The following NCKIPSD variants were observed in gnomAD, a reference collection of about 807,000 sequenced individuals.
NCKIPSD encodes the protein NCK-interacting protein with SH3 domain.
A neutral mutation model predicts 73.4 loss-of-function variants in NCKIPSD; 48 were observed. The ratio of observed to expected loss-of-function variants is 0.65; its 90% CI spans 0.52 to 0.83. The LOEUF is 0.83. NCKIPSD is among the 40% of genes least tolerant of loss of function. The pLI, the probability that NCKIPSD is intolerant of heterozygous loss-of-function variation, is 0.00. For missense variants in NCKIPSD, 884 were observed against 970.2 expected (o/e 0.91, Z 1.18); for synonymous variants, 422 against 403.6 (o/e 1.05, Z -0.54).
At chr3:48,685,410 C>A (rs533277304) in intron 1 of NCKIPSD, among the ~76,000 whole-genome samples, 4 of 152,046 alleles carry the variant, frequency 2.6e-5, no homozygotes, top group Admixed American at 2.0e-4. Flanking sequence ...TTTGGTCGAT[C>A]GGGAGTTGGT....
Position 48,675,797 on chromosome 3 carries a change from C to T in NCKIPSD, c.1966-1050G>A, listed in dbSNP as rs145737874. Among the ~76,000 whole-genome samples, 12 of 152,054 alleles carry T rather than the reference C, an allele frequency of 7.9e-5. No homozygotes were observed. The South Asian group carries it at 1.0e-3, about 13-fold the overall frequency. ...CAGACTTCAAGTGATCCACCCACCT[C>T]GGCCTCCCAAAGTGCTGGGATTACA... On this transcript the variant is annotated intron_variant, in intron 12 of 12. Transcript: ENST00000294129.
rs1166762343 is a variant in NCKIPSD at position 48,674,203 on chromosome 3, A to G, written c.*341T>C. ...GCTGAGGCCCAGGATACAGACCAGG[A>G]GGGGTGGGGATGGGGGTCTGGTCCA... On this transcript the variant is annotated 3_prime_UTR_variant, in exon 13 of 13. Coordinates refer to ENST00000294129, the MANE Select transcript of NCKIPSD (RefSeq NM_016453.4). The G allele has an allele frequency of 1.5e-5, 19 of 1,227,446 alleles. No homozygotes were observed. Among genetic ancestry groups the G allele is most frequent in the Non-Finnish European group, 1.8e-5 (18 of 973,008 alleles). 76.0% of individuals were successfully genotyped at this position (1,227,446 alleles called of 1,614,324 possible).
chr3:48,683,344 G>C (rs1309516706), intron 1 of NCKIPSD, among the ~76,000 whole-genome samples: 1 of 152,198 alleles, frequency 6.6e-6, no homozygotes. Context: ...CTTGCAGCCA[G>C]GAGCGCATAC....
intron 2 of NCKIPSD, 147 bp from the exon 3 acceptor site, chr3:48,682,699 A>G: frequency 8.7e-7 from 1 of 1,152,516 alleles, no homozygotes. Context: ...ACAGTACCCC[A>G]TACTATCCTC....
rs2077298111 is a variant in NCKIPSD at position 48,678,785 on chromosome 3, A to G, written c.1793-49T>C. On this transcript the variant is annotated intron_variant, in intron 11 of 12. Transcript: ENST00000294129. ...TCAGGGTGGACCTTGTGGGGATCCC[A>G]GAGTCACCCCAGGGGGTTACGGGAG... The G allele has an allele frequency of 1.9e-6, 3 of 1,611,202 alleles. No individual in the cohort carries two copies. In the African/African-American group the frequency reaches 4.0e-5, roughly 22 times the overall value.
chr3:48,685,396 G>C (rs1170298612), intron 1 of NCKIPSD, among the ~76,000 whole-genome samples: 2 of 152,140 alleles, frequency 1.3e-5, no homozygotes, highest in Non-Finnish European at 2.9e-5. Flanking sequence ...CCCAGAGTTA[G>C]GCTTTTGGTC....
chr3:48,680,154 C>T lies in NCKIPSD; in HGVS notation c.1168G>A (p.Ala390Thr). ...QRLEVIFADL[A>T]RRKDDAQQRS... ...TGCTGGGCGTCGTCCTTCCGGCGAGCCAGGTCTGCAAAGATCACCTCCAGC... is the reference window on the plus strand; with the variant it reads ...TGCTGGGCGTCGTCCTTCCGGCGAGTCAGGTCTGCAAAGATCACCTCCAGC... Residue 390 changes from alanine to threonine, a missense_variant, in exon 6 of 13, where the codon GCT becomes ACT. Transcript: ENST00000294129. 5 of 1,613,982 alleles carry T rather than the reference C, an allele frequency of 3.1e-6. No homozygotes were observed. The highest frequency in any genetic ancestry group is 4.2e-6 in the Non-Finnish European group (5 of 1,179,998).
intron 12 of NCKIPSD, among the ~76,000 whole-genome samples, chr3:48,677,404 C>A (rs559715679): frequency 4.7e-4 from 71 of 151,748 alleles, no homozygotes; most frequent in South Asian, 8.4e-4. Flanking sequence ...ACAACAACAA[C>A]AAAAAACCCC....
chr3:48,685,655 G>A lies in NCKIPSD; in HGVS notation c.153C>T (p.Ala51=), dbSNP rs1469751938. The A allele has an allele frequency of 2.0e-6, 3 of 1,524,138 alleles. No individual in the cohort carries two copies. The highest frequency in any genetic ancestry group is 1.7e-4 in the Middle Eastern group (1 of 5,852). 94.4% of individuals were successfully genotyped at this position (1,524,138 alleles called of 1,614,324 possible). A position where few individuals can be genotyped will look rare whatever the true frequency, so the allele number is the denominator to read the frequency against. The part of the protein sequence containing the change: ...RSGETGYVPP[A]YLRRLQGLEQ... ...CACTCACCTGCAGGCGGCGCAGGTA[G>A]GCTGGCGGCACGTAGCCCGTCTCAC... The change falls in exon 1 of 13, where the codon GCC becomes GCT. Residue 51 remains alanine (A), a synonymous_variant. Coordinates refer to ENST00000294129, the MANE Select transcript of NCKIPSD (RefSeq NM_016453.4).
chr3:48,681,385 G>A lies in NCKIPSD; in HGVS notation c.994C>T (p.Arg332Trp), dbSNP rs745397166. The change falls in exon 5 of 13, where the codon CGG becomes TGG. Residue 332 changes from arginine to tryptophan, a missense_variant. Coordinates refer to ENST00000294129, the MANE Select transcript of NCKIPSD (RefSeq NM_016453.4). ...RNTGLSHELCRVAIGIIVGHI... is the reference protein window; with the variant it reads ...RNTGLSHELCWVAIGIIVGHI... ...CCCACTATGATGCCGATGGCCACCC[G>A]GCATAATTCGTGGCTCAGGCCAGTG... 7 of 1,612,216 alleles carry A rather than the reference G, an allele frequency of 4.3e-6. No homozygotes were observed. The highest frequency in any genetic ancestry group is 2.7e-5 in the African/African-American group (2 of 75,008).
Position 48,674,158 on chromosome 3 carries a change from T to G in NCKIPSD, c.*386A>C. 1 of 1,151,336 alleles carries G rather than the reference T, an allele frequency of 8.7e-7. No individual in the cohort carries two copies. Among genetic ancestry groups the G allele is most frequent in the Non-Finnish European group, 1.1e-6 (1 of 930,406 alleles). The allele number at this position is 1,151,336 out of a possible 1,614,324, so 71.3% of individuals were successfully genotyped here. On this transcript the variant is annotated 3_prime_UTR_variant, in exon 13 of 13. Transcript: ENST00000294129. ...TAGAGCTGGTGGGAGATGCCTCCCC[T>G]CACCCCAGGGGCATGGCTTGCTGAG...
intron 12 of NCKIPSD, among the ~76,000 whole-genome samples, chr3:48,676,408 A>T (rs1372563586): frequency 3.3e-5 from 5 of 151,608 alleles, no homozygotes; most frequent in Non-Finnish European, 5.9e-5. Flanking sequence ...CATCTCCAAC[A>T]CATCATCCAT....
In NCKIPSD at chr3:48,679,704, C is replaced by T. The variant is rs758299991; in HGVS notation, c.1360G>A (p.Ala454Thr). The T allele has an allele frequency of 6.2e-7, 1 of 1,614,164 alleles. No homozygotes were observed. Among genetic ancestry groups the T allele is most frequent in the Non-Finnish European group, 8.5e-7 (1 of 1,180,012 alleles). Residue 454 changes from alanine to threonine, a missense_variant, in exon 8 of 13, where the codon GCA (alanine) becomes ACA (threonine). Coordinates refer to ENST00000294129, the MANE Select transcript of NCKIPSD (RefSeq NM_016453.4). ...TTGAGGAGCAGCAGCCGCAGTGATG[C>T]TCGGTGTTCCTGGCAGGGAACCCTG... The part of the protein sequence containing the change: ...LVAYYQMEHR[A>T]SLRLLLLKCF...
In NCKIPSD at chr3:48,679,720, G is replaced by A. The variant is rs779929116; in HGVS notation, c.1351-7C>T. 6.2e-7 allele frequency: 1 copy of A among 1,614,122 alleles called. No individual in the cohort carries two copies. Among genetic ancestry groups the A allele is most frequent in the Non-Finnish European group, 8.5e-7 (1 of 1,179,990 alleles). On this transcript the variant is annotated splice_region_variant and splice_polypyrimidine_tract_variant and intron_variant, in intron 7 of 12. Transcript: ENST00000294129. ...GCAGTGATGCTCGGTGTTCCTGGCA[G>A]GGAACCCTGCGTGCTCAGTGCCTGG...
Position 48,682,525 on chromosome 3 carries a change from G to A in NCKIPSD, c.309C>T (p.Thr103=). The change falls in exon 3 of 13, where the codon ACC becomes ACT. Residue 103 remains threonine (T), a synonymous_variant. Transcript: ENST00000294129. ...AGGCTGAAGGGCCTCTGCGTGACAG[G>A]GTCTCTTTCCGGTGGTGGATCAGCT... ...LQKLIHHRKE[T]LSRRGPSASS... The A allele has an allele frequency of 1.9e-6, 3 of 1,614,072 alleles. No individual in the cohort carries two copies. Among genetic ancestry groups the A allele is most frequent in the Non-Finnish European group, 1.7e-6 (2 of 1,179,990 alleles).
At chr3:48,678,512 T>C (rs1209998277) in intron 12 of NCKIPSD, 52 bp downstream of exon 12, 1 of 1,525,140 alleles carries the variant, frequency 6.6e-7, no homozygotes, top group South Asian at 1.2e-5. Flanking sequence ...CCCCACCATT[T>C]TGTTTCAGTT....
Position 48,685,810 on chromosome 3 carries a change from G to C in NCKIPSD, c.-3C>G. 6.8e-7 allele frequency: 1 copy of C among 1,477,284 alleles called. No homozygotes were observed. The highest frequency in any genetic ancestry group is 8.9e-7 in the Non-Finnish European group (1 of 1,123,492). 91.5% of individuals were successfully genotyped at this position (1,477,284 alleles called of 1,614,324 possible). On this transcript the variant is annotated 5_prime_UTR_variant, in exon 1 of 13. Transcript: ENST00000294129. Reference sequence around the variant, plus strand: ...AACGCGTACAGCGCGCGGTACATGAGGCCGGGCAGGGCAGGTGCAGGGAAG... The same window carrying C: ...AACGCGTACAGCGCGCGGTACATGACGCCGGGCAGGGCAGGTGCAGGGAAG...
At chr3:48,685,307 A>C (rs1256843258) in intron 1 of NCKIPSD, among the ~76,000 whole-genome samples, 1 of 151,734 alleles carries the variant, frequency 6.6e-6, no homozygotes, top group Non-Finnish European at 1.5e-5. Flanking sequence ...ATAATTGGCC[A>C]GGATTCGGTG....
Position 48,681,538 on chromosome 3 carries a change from T to A in NCKIPSD, c.841A>T (p.Thr281Ser), listed in dbSNP as rs759977379. Reference protein sequence around the residue: ...PAEEEVATGTTSASDDLEALG... With the variant: ...PAEEEVATGTSSASDDLEALG... ...GCTTCCAGGTCATCAGAGGCTGAGG[T>A]TGTACCAGTTGCCACTTCTTCTTCT... is the stretch of plus-strand genomic sequence containing the variant. Residue 281 changes from threonine to serine, a missense_variant, in exon 5 of 13, where the codon ACC (threonine) becomes TCC (serine). Thr to Ser is a moderately conservative substitution (Grantham distance 58). Coordinates refer to ENST00000294129, the MANE Select transcript of NCKIPSD (RefSeq NM_016453.4). The A allele has an allele frequency of 6.2e-7, 1 of 1,614,038 alleles. No homozygotes were observed. Among genetic ancestry groups the A allele is most frequent in the South Asian group, 1.1e-5 (1 of 91,080 alleles).
Sources: gnomAD v4.1 joint callset for allele counts (sites outside exome capture counted in the v4.1 genomes callset) on GRCh38, gnomAD v4.1.1 for gene constraint, MANE v1.5 for transcripts, NCBI Gene and HGNC (gene_info 2026-07-23, HGNC 2026-07-21) for gene names.